Variants in SEMA3B observed in about 807,000 individuals in gnomAD.
SEMA3B encodes semaphorin 3B.
A neutral mutation model predicts 77.8 loss-of-function variants in SEMA3B; 71 were observed. The observed-to-expected ratio is 0.91, with a 90% CI of 0.75 to 1.11. SEMA3B has a LOEUF of 1.11. Ranked by LOEUF, SEMA3B falls within the 50% of genes most tolerant of loss-of-function variation. The probability of loss-of-function intolerance (pLI) is 0.00; values close to 1 mark genes in which losing one functional copy is unlikely to be tolerated. For synonymous variants in SEMA3B, 470 were observed against 452.9 expected (o/e 1.04, Z -0.48); for missense variants, 968 against 1,056.8 (o/e 0.92, Z 1.17).
chr3:50,270,188 C>T lies in SEMA3B; in HGVS notation c.171C>T (p.Ala57=), dbSNP rs1553705102. 2 of 1,599,686 alleles carry T rather than the reference C, an allele frequency of 1.3e-6. No individual in the cohort carries two copies. The highest frequency in any genetic ancestry group is 1.3e-5 in the African/African-American group (1 of 74,730). Residue 57 remains alanine (A), a synonymous_variant, in exon 2 of 17, where the codon GCC becomes GCT. Coordinates refer to ENST00000616701, the MANE Select transcript of SEMA3B (RefSeq NM_001290060.2). The surrounding 1 kb of genome is among the most constrained non-coding windows in gnomAD (Gnocchi z 4.7). The part of the protein sequence containing the change: ...FSLERTCCYQ[A]LLVDEERGRL... ...TGGAGCGAACCTGCTGCTACCAGGCCTTGCTGGTGGATGAGGAGCGTGGAC... is the reference window on the plus strand; with the variant it reads ...TGGAGCGAACCTGCTGCTACCAGGCTTTGCTGGTGGATGAGGAGCGTGGAC...
Position 50,275,362 on chromosome 3 carries a change from G to T in SEMA3B, c.1552G>T (p.Ala518Ser). 6.3e-7 allele frequency: 1 copy of T among 1,584,102 alleles called. No homozygotes were observed. The change falls in exon 14 of 17, where the codon GCC (alanine) becomes TCC (serine). Residue 518 changes from alanine to serine, a missense_variant. Ala to Ser is a moderately conservative substitution (Grantham distance 99). Coordinates refer to ENST00000616701, the MANE Select transcript of SEMA3B (RefSeq NM_001290060.2). The surrounding 1 kb of genome is among the most constrained non-coding windows in gnomAD (Gnocchi z 7.5). ...CCAGATCGCGTTGCACCGCTGCGCT[G>T]CCCACGGCCGCGTCTGCACCGAATG... ...VAQIALHRCA[A>S]HGRVCTECCL...
upstream of SEMA3B, among the ~76,000 whole-genome samples, chr3:50,264,395 A>C (rs1700868478): frequency 6.6e-6 from 1 of 152,166 alleles, no homozygotes. Flanking sequence ...GCAAGAGTGC[A>C]TACCTGTGGT....
At position 50,274,973 on chromosome 3, in the gene SEMA3B, C is replaced by A. The variant is rs782441885; in HGVS notation, c.1449+39C>A. On this transcript the variant is annotated intron_variant, in intron 12 of 16. Transcript: ENST00000616701. This position sits in a 1 kb window ranked among gnomAD's most constrained non-coding sequence, Gnocchi z 4.7. ...CCCAGTCGCCCGGGACCCCCCCACC[C>A]CACTAAGCCCTGACCCCGTCGCCCC... 1 of 1,598,816 alleles carries A rather than the reference C, an allele frequency of 6.3e-7. No homozygotes were observed. Among genetic ancestry groups the A allele is most frequent in the South Asian group, 1.1e-5 (1 of 89,304 alleles).
In SEMA3B at chr3:50,276,555, G is replaced by C. The variant is rs1196255761; in HGVS notation, c.2099G>C (p.Gly700Ala). The C allele has an allele frequency of 1.9e-6, 3 of 1,539,162 alleles. No homozygotes were observed. In the African/African-American group the frequency reaches 4.1e-5, roughly 21 times the overall value. ...RDFLQLVEPG[G>A]GGSANSLRMC... ...TTTCTGCAGCTGGTGGAGCCGGGCG[G>C]AGGTGGCAGCGCGAACTCCCTGCGC... is the stretch of plus-strand genomic sequence containing the variant. Residue 700 changes from glycine to alanine, a missense_variant, in exon 17 of 17, where the codon GGA (glycine) becomes GCA (alanine). Coordinates refer to ENST00000616701, the MANE Select transcript of SEMA3B (RefSeq NM_001290060.2). The surrounding 1 kb of genome is among the most constrained non-coding windows in gnomAD (Gnocchi z 5.8).
upstream of SEMA3B, among the ~76,000 whole-genome samples, chr3:50,268,382 A>G (rs782291823): frequency 7.2e-5 from 11 of 152,242 alleles, no homozygotes; most frequent in Non-Finnish European, 1.6e-4. Flanking sequence ...AGACATGTCT[A>G]TTCTTATGGG....
Position 50,274,800 on chromosome 3 carries a change from G to C in SEMA3B, c.1358-43G>C. 1 of 1,593,936 alleles carries C rather than the reference G, an allele frequency of 6.3e-7. No homozygotes were observed. The highest frequency in any genetic ancestry group is 8.6e-7 in the Non-Finnish European group (1 of 1,168,748). On this transcript the variant is annotated intron_variant, in intron 11 of 16. Transcript: ENST00000616701. The surrounding 1 kb of genome is among the most constrained non-coding windows in gnomAD (Gnocchi z 4.7). Reference sequence around the variant, plus strand: ...AGGCGAGGAGACACTAGCCCCAGCTGTCCGGGAGCACCAATGGTCATTACC... The same window carrying C: ...AGGCGAGGAGACACTAGCCCCAGCTCTCCGGGAGCACCAATGGTCATTACC...
chr3:50,272,956 T>C lies in SEMA3B; in HGVS notation c.665-342T>C, dbSNP rs1035256973. On this transcript the variant is annotated intron_variant, in intron 6 of 16. Transcript: ENST00000616701. ...TGGTTATGCTAGAGAGGAAGATTCA[T>C]GAGTGAAGGTGAAACCAGATTACCT... 2.0e-5 allele frequency among the ~76,000 whole-genome samples: 3 copies of C among 152,212 alleles called. No homozygotes were observed. In the South Asian group the frequency reaches 6.2e-4, roughly 32 times the overall value.
At chr3:50,264,621 T>C (rs145749964), upstream of SEMA3B, among the ~76,000 whole-genome samples, 3 of 152,324 alleles carry the variant, frequency 2.0e-5, no homozygotes, top group Non-Finnish European at 4.4e-5. Context: ...CCAGTACTCC[T>C]GGGAGGCTCT....
At position 50,274,501 on chromosome 3, in the gene SEMA3B, G is replaced by A; in HGVS notation, c.1276G>A (p.Ala426Thr). Residue 426 changes from alanine to threonine, a missense_variant, in exon 11 of 17, where the codon GCC becomes ACC. By Grantham distance (58) the Ala-to-Thr change is moderately conservative. Transcript: ENST00000616701. The surrounding 1 kb of genome is among the most constrained non-coding windows in gnomAD (Gnocchi z 4.7). The stretch of plus-strand genomic sequence containing the variant: ...GCGCCCTCTTTTCCTACAAGTTGGA[G>A]CCAATTACACCTTCACTCAAATTGC... The part of the protein sequence containing the change: ...GGRPLFLQVG[A>T]NYTFTQIAAD... 1 of 1,566,276 alleles carries A rather than the reference G, an allele frequency of 6.4e-7. No homozygotes were observed.
chr3:50,270,742 T>C lies in SEMA3B; in HGVS notation c.331-148T>C. Reference sequence around the variant, plus strand: ...CCCACCCTCGTGAGGCCTGGGCTGGTCAGCAAGGGCCCCCAGGTCCCTGTA... The same window carrying C: ...CCCACCCTCGTGAGGCCTGGGCTGGCCAGCAAGGGCCCCCAGGTCCCTGTA... On this transcript the variant is annotated intron_variant, in intron 3 of 16. Coordinates refer to ENST00000616701, the MANE Select transcript of SEMA3B (RefSeq NM_001290060.2). This position sits in a 1 kb window ranked among gnomAD's most constrained non-coding sequence, Gnocchi z 4.7. 1 of 1,366,474 alleles carries C rather than the reference T, an allele frequency of 7.3e-7. No homozygotes were observed. Among genetic ancestry groups the C allele is most frequent in the Non-Finnish European group, 9.9e-7 (1 of 1,009,680 alleles). The allele number at this position is 1,366,474 out of a possible 1,614,324, so 84.6% of individuals were successfully genotyped here.
chr3:50,269,308 G>A lies in SEMA3B; in HGVS notation c.68G>A (p.Ser23Asn). 6.5e-7 allele frequency: 1 copy of A among 1,529,866 alleles called. No individual in the cohort carries two copies. The highest frequency in any genetic ancestry group is 8.8e-7 in the Non-Finnish European group (1 of 1,142,840). The allele number at this position is 1,529,866 out of a possible 1,614,324, so 94.8% of individuals were successfully genotyped here. ...CTGCTCTGGGCAGTGGGGCTGGGGA[G>A]TGCCGCCCCCAGCCCCCCACGCCTT... ...LALLWAVGLG[S>N]AAPSPPRLRL... is the part of the protein sequence containing the mutation. The change falls in exon 1 of 17, where the codon AGT (serine) becomes AAT (asparagine). Residue 23 changes from serine to asparagine, a missense_variant. Physicochemically the swap from Ser to Asn is conservative, Grantham distance 46. Coordinates refer to ENST00000616701, the MANE Select transcript of SEMA3B (RefSeq NM_001290060.2). This position sits in a 1 kb window ranked among gnomAD's most constrained non-coding sequence, Gnocchi z 4.0.
chr3:50,270,313 C>G lies in SEMA3B; in HGVS notation c.267+29C>G. 2 of 1,610,712 alleles carry G rather than the reference C, an allele frequency of 1.2e-6. No individual in the cohort carries two copies. The highest frequency in any genetic ancestry group is 1.7e-6 in the Non-Finnish European group (2 of 1,177,610). Reference sequence around the variant, plus strand: ...CCAGGGACTCCCAACCCCAGCACTCCCCAGGGAAGGAGCCCTGGGACCCCA... The same window carrying G: ...CCAGGGACTCCCAACCCCAGCACTCGCCAGGGAAGGAGCCCTGGGACCCCA... On this transcript the variant is annotated intron_variant, in intron 2 of 16. Transcript: ENST00000616701. This position sits in a 1 kb window ranked among gnomAD's most constrained non-coding sequence, Gnocchi z 4.7.
Position 50,276,026 on chromosome 3 carries a change from C to T in SEMA3B, c.1845+182C>T. 1.1e-6 allele frequency: 1 copy of T among 920,890 alleles called. No individual in the cohort carries two copies. The allele number at this position is 920,890 out of a possible 1,614,324, so 57.0% of individuals were successfully genotyped here. On this transcript the variant is annotated intron_variant, in intron 16 of 16. Coordinates refer to ENST00000616701, the MANE Select transcript of SEMA3B (RefSeq NM_001290060.2). The surrounding 1 kb of genome is among the most constrained non-coding windows in gnomAD (Gnocchi z 5.8). ...ATTGCGTCCAACGGGGCTCCCGACC[C>T]GCCTCCCCTGAATCAAGGAGAAGAC...
chr3:50,265,600 G>A (rs1243352373), upstream of SEMA3B, among the ~76,000 whole-genome samples: 1 of 152,230 alleles, frequency 6.6e-6, no homozygotes, highest in Non-Finnish European at 1.5e-5. Flanking sequence ...TCTGCCCATG[G>A]AAGCTCCCTC....
chr3:50,271,070 A>G lies in SEMA3B; in HGVS notation c.451-18A>G, dbSNP rs1553705266. ...GGGTAAGAAGGGCCTGGTAGTCACA[A>G]CTTGCCACACCTCCCAGGAGCCCGT... On this transcript the variant is annotated intron_variant, in intron 4 of 16. Transcript: ENST00000616701. 4 of 1,576,180 alleles carry G rather than the reference A, an allele frequency of 2.5e-6. No individual in the cohort carries two copies. The highest frequency in any genetic ancestry group is 3.4e-6 in the Non-Finnish European group (4 of 1,160,796).
rs1700976019 is a variant in SEMA3B at position 50,269,210 on chromosome 3, C to T, written c.-31C>T. 4.0e-6 allele frequency: 6 copies of T among 1,484,184 alleles called. No homozygotes were observed. Among genetic ancestry groups the T allele is most frequent in the South Asian group, 2.4e-5 (2 of 82,768 alleles). The allele number at this position is 1,484,184 out of a possible 1,614,324, so 91.9% of individuals were successfully genotyped here. A position where few individuals can be genotyped will look rare whatever the true frequency, so the allele number is the denominator to read the frequency against. On this transcript the variant is annotated 5_prime_UTR_variant, in exon 1 of 17. Transcript: ENST00000616701. The surrounding 1 kb of genome is among the most constrained non-coding windows in gnomAD (Gnocchi z 4.0). ...CTCAAGGCTCCTCCACACACACACC[C>T]GCTGAACCCTGAGCACCCTGAGCTG...
chr3:50,274,603 AC>A lies in SEMA3B; in HGVS notation c.1357+26del. 1.3e-6 allele frequency: 2 copies of A among 1,513,222 alleles called. No individual in the cohort carries two copies. The highest frequency in any genetic ancestry group is 1.3e-5 in the South Asian group (1 of 74,988). 93.7% of individuals were successfully genotyped at this position (1,513,222 alleles called of 1,614,324 possible). ...CACAGGTCAGGGTCCCTCCACAGCG[AC>A]CCCCAGGCTCCCAGCCAGGCCCTGT... On this transcript the variant is annotated intron_variant, in intron 11 of 16. Transcript: ENST00000616701. The surrounding 1 kb of genome is among the most constrained non-coding windows in gnomAD (Gnocchi z 4.7).
chr3:50,273,218 G>A lies in SEMA3B; in HGVS notation c.665-80G>A, dbSNP rs782218357. The A allele has an allele frequency of 1.7e-4, 253 of 1,523,746 alleles. No individual in the cohort carries two copies. The highest frequency in any genetic ancestry group is 2.1e-4 in the Non-Finnish European group (242 of 1,132,336). The allele number at this position is 1,523,746 out of a possible 1,614,324, so 94.4% of individuals were successfully genotyped here. On this transcript the variant is annotated intron_variant, in intron 6 of 16. Coordinates refer to ENST00000616701, the MANE Select transcript of SEMA3B (RefSeq NM_001290060.2). The surrounding 1 kb of genome is among the most constrained non-coding windows in gnomAD (Gnocchi z 6.5). ...ATCCCGGGTGCTGTGCCCGCACTAC[G>A]GGAAGGGGAAGCAGCGCGTGGGTCT...
At chr3:50,265,304 C>T (rs587647295), upstream of SEMA3B, among the ~76,000 whole-genome samples, 1 of 152,350 alleles carries the variant, frequency 6.6e-6, no homozygotes, top group South Asian at 2.1e-4. Flanking sequence ...GTTGGAGCCA[C>T]AAGCCCTGAT....
Sources: gnomAD v4.1 joint callset for allele counts (sites outside exome capture counted in the v4.1 genomes callset) on GRCh38, gnomAD v4.1.1 for gene constraint, Gnocchi (gnomAD v3.1) non-coding constraint, MANE v1.5 for transcripts, NCBI Gene and HGNC (gene_info 2026-07-23, HGNC 2026-07-21) for gene names.